The following GPR19 variants were observed in gnomAD, a reference collection of about 807,000 sequenced individuals.
GPR19 encodes the protein probable G protein-coupled receptor 19.
A neutral mutation model predicts 28.5 loss-of-function variants in GPR19; 14 were observed. The observed-to-expected ratio is 0.49, with a 90% confidence interval of 0.32 to 0.77. The LOEUF is 0.77. Among genes scored for constraint, GPR19 ranks in the 30% least tolerant of loss-of-function variants. The pLI is 0.03. For synonymous variants in GPR19, 173 were observed against 184.1 expected (o/e 0.94, Z 0.49); for missense variants, 409 against 504.1 (o/e 0.81, Z 1.81).
rs780924234 is a variant in GPR19, at chr12:12,662,048, C to T, written c.401G>A (p.Gly134Asp). 3.7e-6 allele frequency: 6 copies of T among 1,614,220 alleles called. No homozygotes were observed. The highest frequency in any genetic ancestry group is 1.7e-5 in the Admixed American group (1 of 60,022). The change falls in exon 4 of 4, where the codon GGT becomes GAT. Residue 134 changes from glycine to aspartate, a missense_variant. Transcript: ENST00000651487. Reference sequence around the variant, plus strand: ...TCGCACAACCTTGCACGTTGCACTACCCAGCGTCCACCTTCCAGTGGTGAA... The same window carrying T: ...TCGCACAACCTTGCACGTTGCACTATCCAGCGTCCACCTTCCAGTGGTGAA... ...LQFTTGRWTL[G>D]SATCKVVRYF...
intron 2 of GPR19, 26 bp from the exon 3 acceptor site, chr12:12,684,533 T>C (rs1279127128): frequency 1.3e-5 from 2 of 152,344 alleles, no homozygotes; most frequent in African/African-American, 4.8e-5. Flanking sequence ...GATGACGCTG[T>C]GCAGGGTAGA....
At chr12:12,705,964 TGCTTCCCCGTCAGCCA>T in the GPR19 span, among the ~76,000 whole-genome samples, 2 of 152,300 alleles carry the variant, frequency 1.3e-5, no homozygotes, top group South Asian at 4.2e-4. Flanking sequence ...TTAATATGCT[TGCTTCCCCGTCAGCCA>T]GCCCTCACCC....
upstream of GPR19, among the ~76,000 whole-genome samples, chr12:12,700,707 C>T (rs1946317978): frequency 6.6e-6 from 1 of 152,114 alleles, no homozygotes. Context: ...GCCATGCTGT[C>T]CAATACAGTA....
the GPR19 span, chr12:12,703,519 C>G: frequency 1.7e-6 from 1 of 600,238 alleles, no homozygotes; most frequent in South Asian, 7.3e-5. Context: ...AAGCCTATGG[C>G]CCCTCGCTCT....
At chr12:12,709,055 A>G in the GPR19 span, among the ~76,000 whole-genome samples, 2 of 152,198 alleles carry the variant, frequency 1.3e-5, no homozygotes, top group Non-Finnish European at 2.9e-5. Context: ...CTAAAAAAAA[A>G]AAAAAAAATT....
intron 3 of GPR19, among the ~76,000 whole-genome samples, chr12:12,682,549 A>C (rs1195830921): frequency 6.6e-6 from 1 of 152,220 alleles, no homozygotes; most frequent in Non-Finnish European, 1.5e-5. Flanking sequence ...AAAGGATACC[A>C]TCCCTCAAGA....
chr12:12,712,149 G>C, the GPR19 span, among the ~76,000 whole-genome samples: 1 of 152,220 alleles, frequency 6.6e-6, no homozygotes, highest in African/African-American at 2.4e-5. Context: ...CGGCTCAGGA[G>C]ATTATGGCAG....
intron 3 of GPR19, among the ~76,000 whole-genome samples, chr12:12,671,086 G>C (rs1183165327): frequency 6.6e-6 from 1 of 151,818 alleles, no homozygotes; most frequent in Non-Finnish European, 1.5e-5. Context: ...ATCATCTGAG[G>C]TCAGGTGTTT....
the GPR19 span, among the ~76,000 whole-genome samples, chr12:12,715,400 AG>A: frequency 3.3e-5 from 5 of 152,238 alleles, no homozygotes; most frequent in African/African-American, 9.6e-5. Context: ...TCAGTTAGGT[AG>A]GAAGTCCTGA....
At chr12:12,710,702 G>A in the GPR19 span, among the ~76,000 whole-genome samples, 1 of 152,064 alleles carries the variant, frequency 6.6e-6, no homozygotes, top group African/African-American at 2.4e-5. Flanking sequence ...GTGCCCAGCT[G>A]TTTTTTAAAA....
chr12:12,669,919 T>G (rs1163601206), intron 3 of GPR19, among the ~76,000 whole-genome samples: 2 of 152,190 alleles, frequency 1.3e-5, no homozygotes, highest in East Asian at 3.8e-4. Flanking sequence ...TTTATAGAGA[T>G]GAGGTCTTGC....
chr12:12,695,163 C>T (rs1330191018), intron 2 of GPR19, among the ~76,000 whole-genome samples: 1 of 152,206 alleles, frequency 6.6e-6, no homozygotes, highest in Admixed American at 6.5e-5. Context: ...CAGCATTCTT[C>T]TGCCTTGTAC....
chr12:12,698,758 G>A (rs1449494236), upstream of GPR19, among the ~76,000 whole-genome samples: 3 of 151,834 alleles, frequency 2.0e-5, no homozygotes, highest in African/African-American at 4.8e-5. Context: ...TTACAGGTGC[G>A]TGCCACCACG....
At chr12:12,665,590 G>C (rs942920784) in intron 3 of GPR19, among the ~76,000 whole-genome samples, 5 of 152,074 alleles carry the variant, frequency 3.3e-5, no homozygotes, top group Admixed American at 6.6e-5. Flanking sequence ...TGTAATCCCA[G>C]CACTTTGGGA....
At chr12:12,698,414 A>G (rs764010172), upstream of GPR19, among the ~76,000 whole-genome samples, 13 of 152,190 alleles carry the variant, frequency 8.5e-5, no homozygotes, top group Non-Finnish European at 1.9e-4. Flanking sequence ...CTGTAAAGTA[A>G]TGAAAAACCT....
In GPR19 at chr12:12,661,373, G is replaced by A. The variant is rs748333710; in HGVS notation, c.1076C>T (p.Thr359Ile). 1.9e-6 allele frequency: 3 copies of A among 1,613,822 alleles called. No homozygotes were observed. The highest frequency in any genetic ancestry group is 2.5e-6 in the Non-Finnish European group (3 of 1,179,730). The change falls in exon 4 of 4, where the codon ACT (threonine) becomes ATT (isoleucine). Residue 359 changes from threonine to isoleucine, a missense_variant. Transcript: ENST00000651487. The surrounding 1 kb of genome is among the most constrained non-coding windows in gnomAD (Gnocchi z 4.2). The part of the protein sequence containing the change: ...SMKCYRSNAY[T>I]ITTSSRMAKK... ...GGCCATCCTTGAACTTGTTGTGATA[G>A]TATAGGCATTGCTTCGGTAACATTT...
chr12:12,712,204 T>C, the GPR19 span, among the ~76,000 whole-genome samples: 1 of 152,134 alleles, frequency 6.6e-6, no homozygotes, highest in South Asian at 2.1e-4. Flanking sequence ...GGGCTCAGGG[T>C]TCTCTGTCTC....
chr12:12,664,130 G>C (rs943151083), intron 3 of GPR19, among the ~76,000 whole-genome samples: 2 of 152,036 alleles, frequency 1.3e-5, no homozygotes, highest in Non-Finnish European at 2.9e-5. Flanking sequence ...GTTGGGACTA[G>C]AGGCGCGTGC....
chr12:12,661,294 G>A lies in GPR19; in HGVS notation c.1155C>T (p.Thr385=). Residue 385 remains threonine (T), a synonymous_variant, in exon 4 of 4, where the codon ACC becomes ACT. Coordinates refer to ENST00000651487, the MANE Select transcript of GPR19 (RefSeq NM_006143.3). The surrounding 1 kb of genome is among the most constrained non-coding windows in gnomAD (Gnocchi z 4.2). ...CAAATGAGTCATAGATCGAGTCTTT[G>A]GTAATAGTTTTGGCCATGGAAGGGA... ...SEIPSMAKTI[T]KDSIYDSFDR... 4 of 1,613,594 alleles carry A rather than the reference G, an allele frequency of 2.5e-6. No individual in the cohort carries two copies. Among genetic ancestry groups the A allele is most frequent in the Non-Finnish European group, 3.4e-6 (4 of 1,179,560 alleles).
Sources: allele counts gnomAD v4.1 joint callset (sites outside exome capture counted in the v4.1 genomes callset), GRCh38; gene constraint gnomAD v4.1.1; non-coding constraint Gnocchi (gnomAD v3.1); transcripts MANE v1.5; gene names NCBI Gene and HGNC (gene_info 2026-07-23, HGNC 2026-07-21).